Variants in TMEM45A observed in about 807,000 individuals in gnomAD.
The protein encoded by TMEM45A is transmembrane protein 45A.
A neutral mutation model predicts 32.0 loss-of-function variants in TMEM45A; 25 were observed. The ratio of observed to expected loss-of-function variants is 0.78; its 90% CI spans 0.57 to 1.09. TMEM45A has a LOEUF of 1.09. Ranked by LOEUF, TMEM45A falls within the 50% of genes least tolerant of loss-of-function variation. The probability of loss-of-function intolerance (pLI) is 0.00; values close to 1 mark genes in which losing one functional copy is unlikely to be tolerated. For synonymous variants in TMEM45A, 122 were observed against 114.8 expected, an observed-to-expected ratio of 1.06 and a Z score of -0.40; for missense variants, 302 against 325.0, an observed-to-expected ratio of 0.93 and a Z score of 0.54.
intron 5 of TMEM45A, among the ~76,000 whole-genome samples, chr3:100,576,312 G>A (rs560407060): frequency 3.8e-4 from 58 of 152,154 alleles, no homozygotes; most frequent in Non-Finnish European, 5.9e-4. Context: ...TTAGCTGGGC[G>A]TGGTGGTGGG....
chr3:100,567,518 C>CAAAAAA (rs780009246), intron 4 of TMEM45A, among the ~76,000 whole-genome samples: 14,869 of 63,248 alleles, frequency 0.24, 2,276 homozygotes, highest in Non-Finnish European at 0.35. Flanking sequence ...ACCATTTCTG[C>CAAAAAA]AAAAAAAAAA....
intron 5 of TMEM45A, chr3:100,574,082 A>C (rs1405999450): frequency 6.6e-6 from 1 of 152,214 alleles, no homozygotes; most frequent in African/African-American, 2.4e-5. Flanking sequence ...TGTCTCTGCC[A>C]GCCTTTGGTA....
intron 5 of TMEM45A, among the ~76,000 whole-genome samples, chr3:100,569,459 T>A (rs1706513208): frequency 6.6e-6 from 1 of 152,200 alleles, no homozygotes; most frequent in African/African-American, 2.4e-5. Flanking sequence ...ATACATTTTT[T>A]ATAAGAACCC....
At chr3:100,499,335 A>G (rs770553361) in intron 1 of TMEM45A, among the ~76,000 whole-genome samples, 34 of 152,146 alleles carry the variant, frequency 2.2e-4, no homozygotes, top group Non-Finnish European at 4.3e-4. Context: ...GCTCATATGT[A>G]TAAGTCTTTG....
chr3:100,572,146 C>T (rs1257620576), intron 5 of TMEM45A: 6 of 152,184 alleles, frequency 3.9e-5, no homozygotes, highest in Non-Finnish European at 7.3e-5. Flanking sequence ...AATGGTATTT[C>T]TAGTTCTAGA....
chr3:100,540,165 C>T lies in TMEM45A; in HGVS notation c.-3-15044C>T, dbSNP rs567666088. 2.1e-4 allele frequency among the ~76,000 whole-genome samples: 32 copies of T among 151,934 alleles called. No individual in the cohort carries two copies. In the South Asian group the frequency reaches 5.0e-3, roughly 24 times the overall value. On this transcript the variant is annotated intron_variant, in intron 1 of 5. Transcript: ENST00000323523. The stretch of plus-strand genomic sequence containing the variant: ...TTCATTCTCTTAATGGTGTCTTTCA[C>T]CATTTTGAGTTAATTTTTATGGAAA...
intron 1 of TMEM45A, among the ~76,000 whole-genome samples, chr3:100,528,759 T>C (rs1172561551): frequency 1.3e-5 from 2 of 152,218 alleles, no homozygotes; most frequent in East Asian, 3.8e-4. Context: ...TTTTAAATCA[T>C]TTATTTAATT....
At chr3:100,503,372 T>C (rs1267761600) in intron 1 of TMEM45A, among the ~76,000 whole-genome samples, 3 of 152,210 alleles carry the variant, frequency 2.0e-5, no homozygotes, top group Non-Finnish European at 2.9e-5. Flanking sequence ...CCCAAAGTGC[T>C]GGGATTACAG....
intron 1 of TMEM45A, among the ~76,000 whole-genome samples, chr3:100,530,284 T>C (rs1036698257): frequency 6.6e-6 from 1 of 152,160 alleles, no homozygotes; most frequent in African/African-American, 2.4e-5. Context: ...GGCTGGCAAG[T>C]CTGAAATCTG....
At chr3:100,567,712 A>C (rs546234617) in intron 4 of TMEM45A, among the ~76,000 whole-genome samples, 3 of 152,192 alleles carry the variant, frequency 2.0e-5, no homozygotes, top group South Asian at 4.1e-4. Context: ...ACAAGTCTTA[A>C]ACCTCCTTGA....
chr3:100,537,158 G>A (rs114687754), intron 1 of TMEM45A, among the ~76,000 whole-genome samples: 3,371 of 152,104 alleles, frequency 0.022, 134 homozygotes, highest in African/African-American at 0.077. Flanking sequence ...CCTGACCTCC[G>A]GTGATCCGTC....
intron 1 of TMEM45A, among the ~76,000 whole-genome samples, chr3:100,536,652 T>TA (rs1447785710): frequency 6.6e-6 from 1 of 152,122 alleles, no homozygotes; most frequent in East Asian, 1.9e-4. Flanking sequence ...CACTTATTCT[T>TA]AAAAAAACTG....
intron 1 of TMEM45A, among the ~76,000 whole-genome samples, chr3:100,517,823 GA>G (rs1708288062): frequency 6.6e-6 from 1 of 152,234 alleles, no homozygotes; most frequent in African/African-American, 2.4e-5. Flanking sequence ...TCCTCTTCTT[GA>G]AAGGGCTGTG....
At chr3:100,571,339 A>G (rs1468071320) in intron 5 of TMEM45A, 1 of 148,960 alleles carries the variant, frequency 6.7e-6, no homozygotes, top group Admixed American at 6.6e-5. Context: ...TATTTTTTCT[A>G]GTAGAGTCCT....
intron 1 of TMEM45A, among the ~76,000 whole-genome samples, chr3:100,510,419 G>C (rs1260832774): frequency 2.0e-5 from 3 of 152,206 alleles, no homozygotes; most frequent in Non-Finnish European, 4.4e-5. Context: ...CTGTCTGTTA[G>C]AAGGAAAACT....
chr3:100,499,330 T>A (rs1426123832), intron 1 of TMEM45A, among the ~76,000 whole-genome samples: 1 of 152,218 alleles, frequency 6.6e-6, no homozygotes, highest in Non-Finnish European at 1.5e-5. Flanking sequence ...TTTTAGCTCA[T>A]ATGTATAAGT....
intron 1 of TMEM45A, among the ~76,000 whole-genome samples, chr3:100,524,378 AG>A (rs1389823319): frequency 6.6e-6 from 1 of 152,240 alleles, no homozygotes; most frequent in Admixed American, 6.5e-5. Context: ...AATCTAACAT[AG>A]TAACTACTCA....
At chr3:100,560,259 CTCT>C (rs932250952) in intron 4 of TMEM45A, among the ~76,000 whole-genome samples, 5 of 127,274 alleles carry the variant, frequency 3.9e-5, no homozygotes, top group African/African-American at 8.7e-5. Flanking sequence ...CTCTCTCTCT[CTCT>C]TTTTTTTTTT....
At chr3:100,499,199 T>C (rs1414662381) in intron 1 of TMEM45A, among the ~76,000 whole-genome samples, 4 of 152,228 alleles carry the variant, frequency 2.6e-5, no homozygotes, top group African/African-American at 9.6e-5. Context: ...AAAATGTTGA[T>C]GGTCTAATTT....
Sources: allele counts gnomAD v4.1 joint callset (sites outside exome capture counted in the v4.1 genomes callset), GRCh38; gene constraint gnomAD v4.1.1; transcripts MANE v1.5; gene names NCBI Gene and HGNC (gene_info 2026-07-23, HGNC 2026-07-21).